Variants in MACROD2 observed in about 807,000 individuals in gnomAD.
MACROD2 encodes ADP-ribose glycohydrolase MACROD2.
Under a neutral mutation model 70.4 loss-of-function variants are expected in MACROD2, and 36 were observed. That is an observed-to-expected ratio of 0.51 (90% CI 0.39 to 0.68). The LOEUF is 0.68. Ranked by LOEUF, MACROD2 falls within the 30% of genes least tolerant of loss-of-function variation. MACROD2 has a pLI of 0.00. For synonymous variants in MACROD2, 172 were observed against 178.8 expected (o/e 0.96, Z 0.30); for missense variants, 496 against 538.4 (o/e 0.92, Z 0.78).
chr20:15,674,405 C>A (rs6034253), intron 8 of MACROD2, among the ~76,000 whole-genome samples: 4 of 151,724 alleles, frequency 2.6e-5, no homozygotes, highest in Non-Finnish European at 5.9e-5. Context: ...GCAGTGGGTG[C>A]GAAGGCATCT....
At chr20:15,594,243 T>C (rs1277572553) in intron 8 of MACROD2, among the ~76,000 whole-genome samples, 2 of 152,234 alleles carry the variant, frequency 1.3e-5, no homozygotes, top group Non-Finnish European at 2.9e-5. Flanking sequence ...TTTTTTCTTT[T>C]TTCCCTTTAC....
At chr20:15,158,326 A>C (rs979321266) in intron 5 of MACROD2, among the ~76,000 whole-genome samples, 1 of 152,218 alleles carries the variant, frequency 6.6e-6, no homozygotes, top group Non-Finnish European at 1.5e-5. Context: ...AGTAGTAATA[A>C]TAATAGCAAT....
At position 14,474,520 on chromosome 20, in the gene MACROD2, T is replaced by C. The variant is rs58093375; in HGVS notation, c.272-18959T>C. Among the ~76,000 whole-genome samples, 516 of 152,240 alleles carry C rather than the reference T, an allele frequency of 3.4e-3. 20 individuals carry two copies. The East Asian group carries it at 0.08, about 24-fold the overall frequency. ...AATGCAGTTTAACTCTGATGTATCT[T>C]TGTTGATTTTCTGCTTGGATGGATC... On this transcript the variant is annotated intron_variant, in intron 3 of 17. Coordinates refer to ENST00000684519, the MANE Select transcript of MACROD2 (RefSeq NM_001351661.2).
intron 5 of MACROD2, among the ~76,000 whole-genome samples, chr20:14,837,806 G>A (rs2073045910): frequency 6.6e-6 from 1 of 151,862 alleles, no homozygotes; most frequent in Non-Finnish European, 1.5e-5. Flanking sequence ...AATTTGATTA[G>A]TGTTTTGCAT....
intron 5 of MACROD2, among the ~76,000 whole-genome samples, chr20:15,225,193 A>C (rs746258174): frequency 3.9e-5 from 6 of 152,060 alleles, no homozygotes; most frequent in African/African-American, 7.2e-5. Flanking sequence ...AGATATACCT[A>C]GGGGAGTCAT....
chr20:14,284,677 G>A (rs924091757), intron 3 of MACROD2, among the ~76,000 whole-genome samples: 2 of 152,186 alleles, frequency 1.3e-5, no homozygotes, highest in Non-Finnish European at 2.9e-5. Flanking sequence ...ATCACAGAGT[G>A]TTCTAAATTG....
At chr20:14,807,847 T>C (rs1270441310) in intron 5 of MACROD2, among the ~76,000 whole-genome samples, 3 of 151,788 alleles carry the variant, frequency 2.0e-5, no homozygotes, top group Non-Finnish European at 4.4e-5. Context: ...ATATCAGAGA[T>C]TGAAGATCAA....
intron 5 of MACROD2, among the ~76,000 whole-genome samples, chr20:14,782,011 C>T (rs1218574189): frequency 6.6e-6 from 1 of 151,880 alleles, no homozygotes; most frequent in East Asian, 1.9e-4. Context: ...GCAACCTCCG[C>T]CTCCCGGGTT....
intron 6 of MACROD2, among the ~76,000 whole-genome samples, chr20:15,368,072 G>A (rs574031583): frequency 6.6e-6 from 1 of 152,042 alleles, no homozygotes; most frequent in Non-Finnish European, 1.5e-5. Context: ...AACACTACTA[G>A]TATCTTGAGA....
intron 5 of MACROD2, among the ~76,000 whole-genome samples, chr20:15,063,401 A>G (rs2075548950): frequency 6.6e-6 from 1 of 152,214 alleles, no homozygotes; most frequent in Non-Finnish European, 1.5e-5. Flanking sequence ...GAAAACAAAT[A>G]TAAATACTGA....
chr20:15,775,777 C>T (rs2051711564), intron 8 of MACROD2, among the ~76,000 whole-genome samples: 1 of 152,074 alleles, frequency 6.6e-6, no homozygotes, highest in South Asian at 2.1e-4. Flanking sequence ...GACAAGACCA[C>T]CCTTGAACAG....
chr20:15,045,653 A>G (rs2075387399), intron 5 of MACROD2, among the ~76,000 whole-genome samples: 1 of 150,564 alleles, frequency 6.6e-6, no homozygotes, highest in Non-Finnish European at 1.5e-5. Context: ...ACCATTACCC[A>G]TAGATTTTTA....
intron 5 of MACROD2, among the ~76,000 whole-genome samples, chr20:15,166,909 T>A (rs900112303): frequency 2.7e-5 from 4 of 150,122 alleles, no homozygotes; most frequent in African/African-American, 7.3e-5. Context: ...TTAATTTAAG[T>A]ATTTAATTTA....
In MACROD2 at chr20:15,494,989, C is replaced by T. The variant is rs137902337; in HGVS notation, c.572-4785C>T. 4.9e-3 allele frequency among the ~76,000 whole-genome samples: 744 copies of T among 152,234 alleles called. 9 individuals are homozygous for T. Among genetic ancestry groups the T allele is most frequent in the Non-Finnish European group, 5.8e-3 (396 of 68,024 alleles). Reference sequence around the variant, plus strand: ...ACCTGGATACACACACATGCAACTCCCTGCATGCCTGACCCTAAATTATTC... The same window carrying T: ...ACCTGGATACACACACATGCAACTCTCTGCATGCCTGACCCTAAATTATTC... On this transcript the variant is annotated intron_variant, in intron 7 of 17. Coordinates refer to ENST00000684519, the MANE Select transcript of MACROD2 (RefSeq NM_001351661.2).
intron 5 of MACROD2, among the ~76,000 whole-genome samples, chr20:14,704,451 G>T (rs1385923603): frequency 2.6e-5 from 4 of 152,104 alleles, no homozygotes; most frequent in Non-Finnish European, 5.9e-5. Flanking sequence ...GTGGTAACTG[G>T]CTTGATAACA....
At chr20:15,095,853 C>A (rs1260106624) in intron 5 of MACROD2, among the ~76,000 whole-genome samples, 1 of 124,852 alleles carries the variant, frequency 8.0e-6, no homozygotes, top group African/African-American at 3.0e-5. Flanking sequence ...TGAATAACAC[C>A]ATGTTGTTTG....
At chr20:15,558,017 A>G (rs968529313) in intron 8 of MACROD2, among the ~76,000 whole-genome samples, 4 of 152,216 alleles carry the variant, frequency 2.6e-5, no homozygotes, top group Admixed American at 6.5e-5. Context: ...GCTTTACTCA[A>G]ATCTCAATCA....
At chr20:14,062,383 CAA>C (rs1046688297) in intron 2 of MACROD2, among the ~76,000 whole-genome samples, 1 of 152,112 alleles carries the variant, frequency 6.6e-6, no homozygotes, top group Non-Finnish European at 1.5e-5. Context: ...ATTTATAAAA[CAA>C]GTGATAATTG....
intron 6 of MACROD2, among the ~76,000 whole-genome samples, chr20:15,266,700 G>A (rs1245064216): frequency 6.6e-6 from 1 of 152,094 alleles, no homozygotes; most frequent in African/African-American, 2.4e-5. Context: ...TCACTCCCAG[G>A]ACAAAGTCCA....
Sources: allele counts gnomAD v4.1 joint callset (sites outside exome capture counted in the v4.1 genomes callset), GRCh38; gene constraint gnomAD v4.1.1; transcripts MANE v1.5; gene names NCBI Gene and HGNC (gene_info 2026-07-23, HGNC 2026-07-21).